FAM204A: variants seen among roughly 807,000 people sequenced by gnomAD.
The protein encoded by FAM204A is family with sequence similarity 204 member A.
FAM204A carries 16 observed loss-of-function variants against 35.4 expected under a neutral mutation model. That is an observed-to-expected ratio of 0.45 (90% CI 0.31 to 0.69). FAM204A has a LOEUF of 0.69. Among genes scored for constraint, FAM204A ranks in the 30% least tolerant of loss-of-function variants. The pLI is 0.07. For missense variants in FAM204A, 240 were observed against 265.7 expected (o/e 0.90, Z 0.67); for synonymous variants, 76 against 86.9 (o/e 0.88, Z 0.70).
chr10:118,315,995 T>C (rs2133269369), intron 7 of FAM204A, among the ~76,000 whole-genome samples: 1 of 152,288 alleles, frequency 6.6e-6, no homozygotes, highest in East Asian at 1.9e-4. Context: ...TTTAGTAATA[T>C]GACATTATTC....
At position 118,310,785 on chromosome 10, in the gene FAM204A, A is replaced by T; in HGVS notation, c.*72T>A. On this transcript the variant is annotated 3_prime_UTR_variant, in exon 9 of 9. Coordinates refer to ENST00000369183, the MANE Select transcript of FAM204A (RefSeq NM_022063.3). Reference sequence around the variant, plus strand: ...AGTGCTATCAATTTTCTGACATATTAACATAGGCAGGAAAACATTCTCAGT... The same window carrying T: ...AGTGCTATCAATTTTCTGACATATTTACATAGGCAGGAAAACATTCTCAGT... The T allele has an allele frequency of 7.7e-7, 1 of 1,298,888 alleles. No individual in the cohort carries two copies. The highest frequency in any genetic ancestry group is 1.1e-6 in the Non-Finnish European group (1 of 919,666). 80.5% of individuals were successfully genotyped at this position (1,298,888 alleles called of 1,614,324 possible).
rs1316896694 is a variant in FAM204A, at chr10:118,302,746, T to C, written c.*8111A>G. ...GTCTGTTTGGGAATATGAGCGTTTA[T>C]ATTAATGGCATTAAACTCAGTATTT... On this transcript the variant is annotated 3_prime_UTR_variant, in exon 9 of 9. Coordinates refer to ENST00000369183, the MANE Select transcript of FAM204A (RefSeq NM_022063.3). The C allele has an allele frequency of 6.6e-6, 1 of 152,238 alleles. No individual in the cohort carries two copies. The highest frequency in any genetic ancestry group is 2.4e-5 in the African/African-American group (1 of 41,472). 9.4% of individuals were successfully genotyped at this position (152,238 alleles called of 1,614,324 possible).
At chr10:118,335,041 CA>C (rs1726579957) in intron 6 of FAM204A, 72 bp downstream of exon 6, 1 of 1,072,438 alleles carries the variant, frequency 9.3e-7, no homozygotes, top group African/African-American at 1.6e-5. Context: ...TTAATGAGGA[CA>C]AGTACTTTAG....
In FAM204A at chr10:118,309,192, G is replaced by C. The variant is rs1367916309; in HGVS notation, c.*1665C>G. 2.0e-5 allele frequency: 3 copies of C among 152,132 alleles called. No homozygotes were observed. Among genetic ancestry groups the C allele is most frequent in the African/African-American group, 2.4e-5 (1 of 41,432 alleles). The allele number at this position is 152,132 out of a possible 1,614,324, so 9.4% of individuals were successfully genotyped here. On this transcript the variant is annotated 3_prime_UTR_variant, in exon 9 of 9. Transcript: ENST00000369183. ...ATAAGACTTTCCAACATTTGGTCTG[G>C]ATACTGAATTAGTATGACACATAAT...
rs900621728 is a variant in FAM204A at position 118,302,558 on chromosome 10, G to A, written c.*8299C>T. ...GACTTTAATTAAGCCCTCCACCATC[G>A]GGAATGGAACTTTTATGTACATGGA... On this transcript the variant is annotated 3_prime_UTR_variant, in exon 9 of 9. Transcript: ENST00000369183. 1.3e-5 allele frequency: 2 copies of A among 152,300 alleles called. No individual in the cohort carries two copies. Among genetic ancestry groups the A allele is most frequent in the South Asian group, 2.1e-4 (1 of 4,824 alleles). The allele number at this position is 152,300 out of a possible 1,614,324, so 9.4% of individuals were successfully genotyped here.
chr10:118,302,608 T>G lies in FAM204A; in HGVS notation c.*8249A>C, dbSNP rs1371450362. On this transcript the variant is annotated 3_prime_UTR_variant, in exon 9 of 9. Coordinates refer to ENST00000369183, the MANE Select transcript of FAM204A (RefSeq NM_022063.3). ...ACTTTGGATTTTCTTTTTCTCTTTTTGAGCACTGCTGGCAAGGAAGCAAGT... is the reference window on the plus strand; with the variant it reads ...ACTTTGGATTTTCTTTTTCTCTTTTGGAGCACTGCTGGCAAGGAAGCAAGT... 1 of 152,254 alleles carries G rather than the reference T, an allele frequency of 6.6e-6. No individual in the cohort carries two copies. Among genetic ancestry groups the G allele is most frequent in the Non-Finnish European group, 1.5e-5 (1 of 68,036 alleles). 9.4% of individuals were successfully genotyped at this position (152,254 alleles called of 1,614,324 possible).
intron 2 of FAM204A, among the ~76,000 whole-genome samples, chr10:118,339,387 G>T (rs776234779): frequency 2.0e-5 from 3 of 152,186 alleles, no homozygotes; most frequent in Non-Finnish European, 4.4e-5. Context: ...CACCATGTTA[G>T]GCCTCCTGTT....
chr10:118,320,430 G>GA (rs572656274), intron 7 of FAM204A, among the ~76,000 whole-genome samples: 17 of 151,704 alleles, frequency 1.1e-4, no homozygotes, highest in African/African-American at 3.6e-4. Context: ...TAATGTATAA[G>GA]AAAAGAAAGT....
intron 7 of FAM204A, among the ~76,000 whole-genome samples, chr10:118,321,093 A>C (rs1434228144): frequency 6.6e-6 from 1 of 151,976 alleles, no homozygotes; most frequent in Non-Finnish European, 1.5e-5. Context: ...CCTCTGAGCA[A>C]AGGCTTTATC....
chr10:118,315,663 G>A (rs1846018981), intron 7 of FAM204A, among the ~76,000 whole-genome samples: 1 of 152,096 alleles, frequency 6.6e-6, no homozygotes, highest in African/African-American at 2.4e-5. Context: ...ATTCTTGATT[G>A]TCTTTACTCA....
Position 118,310,695 on chromosome 10 carries a change from T to C in FAM204A, c.*162A>G. The C allele has an allele frequency of 4.8e-6, 3 of 631,228 alleles. No homozygotes were observed. Among genetic ancestry groups the C allele is most frequent in the Non-Finnish European group, 8.3e-6 (3 of 362,706 alleles). 39.1% of individuals were successfully genotyped at this position (631,228 alleles called of 1,614,324 possible). A position where few individuals can be genotyped will look rare whatever the true frequency, so the allele number is the denominator to read the frequency against. On this transcript the variant is annotated 3_prime_UTR_variant, in exon 9 of 9. Coordinates refer to ENST00000369183, the MANE Select transcript of FAM204A (RefSeq NM_022063.3). Reference sequence around the variant, plus strand: ...TTTTATTCACTTCAATAGGACAAAGTCCTTAAAGAAAGACTGAAAAGAGCT... The same window carrying C: ...TTTTATTCACTTCAATAGGACAAAGCCCTTAAAGAAAGACTGAAAAGAGCT...
chr10:118,327,660 A>G (rs879911803), intron 6 of FAM204A, among the ~76,000 whole-genome samples: 3 of 152,202 alleles, frequency 2.0e-5, no homozygotes, highest in Non-Finnish European at 4.4e-5. Context: ...TCAGAAATCT[A>G]TACTCTAGGC....
intron 2 of FAM204A, 124 bp from the exon 3 acceptor site, chr10:118,336,547 T>C (rs1450922199): frequency 1.2e-6 from 1 of 802,258 alleles, no homozygotes; most frequent in Non-Finnish European, 1.8e-6. Context: ...ATCTAAACTT[T>C]TTTTTTTTAA....
In FAM204A at chr10:118,334,967, A is replaced by G. The variant is rs1412576120; in HGVS notation, c.453+147T>C. ...CTTAACAGTTTTTTAATAATTTGTA[A>G]CTATATATTTACTTATCTAGCACCC... On this transcript the variant is annotated intron_variant, in intron 6 of 8. Transcript: ENST00000369183. The G allele has an allele frequency of 2.0e-5, 11 of 547,646 alleles. No homozygotes were observed. In the African/African-American group the frequency reaches 2.1e-4, roughly 11 times the overall value. The allele number at this position is 547,646 out of a possible 1,614,324, so 33.9% of individuals were successfully genotyped here. A position where few individuals can be genotyped will look rare whatever the true frequency, so the allele number is the denominator to read the frequency against.
At chr10:118,335,673 A>G (rs764735684) in intron 3 of FAM204A, 32 bp from the exon 4 acceptor site, 21 of 1,478,484 alleles carry the variant, frequency 1.4e-5, no homozygotes, top group Non-Finnish European at 1.9e-5. Flanking sequence ...TGAGAAGCAA[A>G]TATACTTTCC....
chr10:118,307,652 G>A lies in FAM204A; in HGVS notation c.*3205C>T, dbSNP rs1845885070. The A allele has an allele frequency of 6.6e-6, 1 of 152,126 alleles. No individual in the cohort carries two copies. Among genetic ancestry groups the A allele is most frequent in the Non-Finnish European group, 1.5e-5 (1 of 68,006 alleles). The allele number at this position is 152,126 out of a possible 1,614,324, so 9.4% of individuals were successfully genotyped here. A position where few individuals can be genotyped will look rare whatever the true frequency, so the allele number is the denominator to read the frequency against. On this transcript the variant is annotated 3_prime_UTR_variant, in exon 9 of 9. Coordinates refer to ENST00000369183, the MANE Select transcript of FAM204A (RefSeq NM_022063.3). ...AGACACACATTTCTTAAAAAGTAAT[G>A]TCTTAACAAAAATTTGGACATTTTA...
chr10:118,336,314 T>A lies in FAM204A; in HGVS notation c.102A>T (p.Glu34Asp), dbSNP rs1445075732. ...TTCTGATGCTCTCATCCTCTTTATC[T>A]TCCTGTAAGTTAAGTCCAGAGTTCT... ...TLENSGLNLQ[E>D]DKEDESIRKT... is the part of the protein sequence containing the mutation. Residue 34 changes from glutamate to aspartate, a missense_variant, in exon 3 of 9, where the codon GAA becomes GAT. Coordinates refer to ENST00000369183, the MANE Select transcript of FAM204A (RefSeq NM_022063.3). 3 of 1,614,048 alleles carry A rather than the reference T, an allele frequency of 1.9e-6. No individual in the cohort carries two copies. The highest frequency in any genetic ancestry group is 2.5e-6 in the Non-Finnish European group (3 of 1,179,894).
chr10:118,340,013 T>C (rs117588327), intron 2 of FAM204A, among the ~76,000 whole-genome samples: 118 of 152,344 alleles, frequency 7.7e-4, no homozygotes, highest in Middle Eastern at 3.4e-3. Flanking sequence ...AGTTCAGTGG[T>C]TCCTAATCTA....
chr10:118,311,819 T>C (rs1845956419), intron 7 of FAM204A, among the ~76,000 whole-genome samples: 1 of 152,224 alleles, frequency 6.6e-6, no homozygotes, highest in African/African-American at 2.4e-5. Flanking sequence ...GCACTCTGTA[T>C]GATCGGTAAC....
Sources: allele counts gnomAD v4.1 joint callset (sites outside exome capture counted in the v4.1 genomes callset), GRCh38; gene constraint gnomAD v4.1.1; transcripts MANE v1.5; gene names NCBI Gene and HGNC (gene_info 2026-07-23, HGNC 2026-07-21).